The following TENM2 variants were observed in gnomAD, a reference collection of about 807,000 sequenced individuals.
TENM2 encodes the protein teneurin-2.
In TENM2, 52 loss-of-function variants were observed where a neutral mutation model predicts 245.2. The ratio of observed to expected loss-of-function variants is 0.21; its 90% CI spans 0.17 to 0.27. The LOEUF is 0.27. Among genes scored for constraint, TENM2 ranks in the 10% least tolerant of loss-of-function variants. TENM2 has a pLI of 1.00. For synonymous variants in TENM2, 1,363 were observed against 1,438.9 expected, an observed-to-expected ratio of 0.95 and a Z score of 1.19; for missense variants, 3,046 against 3,666.8, an observed-to-expected ratio of 0.83 and a Z score of 4.37.
the TENM2 span, among the ~76,000 whole-genome samples, chr5:167,086,929 G>GCACACACACA: frequency 1.3e-4 from 12 of 90,948 alleles, no homozygotes; most frequent in South Asian, 1.2e-3. Context: ...ACACACACAC[G>GCACACACACA]CACACACACA....
At chr5:168,100,161 G>A (rs916582429) in intron 9 of TENM2, among the ~76,000 whole-genome samples, 14 of 152,150 alleles carry the variant, frequency 9.2e-5, no homozygotes, top group East Asian at 1.9e-4. Flanking sequence ...ATACAATCAC[G>A]TCATCTGCAA....
At chr5:167,449,184 G>A (rs1034875604) in intron 2 of TENM2, among the ~76,000 whole-genome samples, 2 of 152,194 alleles carry the variant, frequency 1.3e-5, no homozygotes, top group Non-Finnish European at 2.9e-5. Context: ...CTTTTCCTGC[G>A]GTACTTAGCA....
At chr5:168,261,032 G>A (rs1000985948) in intron 28 of TENM2, among the ~76,000 whole-genome samples, 1 of 152,160 alleles carries the variant, frequency 6.6e-6, no homozygotes, top group Admixed American at 6.5e-5. Context: ...CAGCTGCTCT[G>A]AATAATTGTC....
the TENM2 span, among the ~76,000 whole-genome samples, chr5:167,142,022 G>A: frequency 6.6e-6 from 1 of 152,062 alleles, no homozygotes; most frequent in Non-Finnish European, 1.5e-5. Context: ...GGCAAACTCG[G>A]AGGGGGGGGA....
chr5:167,825,970 G>A (rs890045358), intron 2 of TENM2, among the ~76,000 whole-genome samples: 4 of 151,838 alleles, frequency 2.6e-5, no homozygotes, highest in Admixed American at 1.3e-4. Flanking sequence ...TCAAGCTCAT[G>A]TTTGTTCATT....
chr5:167,955,461 C>T (rs977635943), intron 4 of TENM2, among the ~76,000 whole-genome samples: 2 of 152,092 alleles, frequency 1.3e-5, no homozygotes, highest in African/African-American at 2.4e-5. Context: ...TGGGGAAGCT[C>T]TTTAGTTTAA....
chr5:167,883,951 G>A (rs979182301), intron 3 of TENM2, among the ~76,000 whole-genome samples: 1 of 152,142 alleles, frequency 6.6e-6, no homozygotes, highest in Non-Finnish European at 1.5e-5. Context: ...ACATCTCTTA[G>A]ACCCATACCC....
intron 2 of TENM2, among the ~76,000 whole-genome samples, chr5:167,545,483 G>A (rs769888448): frequency 2.6e-5 from 4 of 152,136 alleles, no homozygotes; most frequent in Admixed American, 1.3e-4. Flanking sequence ...AATCTTGCTA[G>A]ATAAACATGT....
At chr5:168,129,745 GTCATT>G (rs1390807315) in intron 12 of TENM2, 1 of 152,184 alleles carries the variant, frequency 6.6e-6, no homozygotes, top group Non-Finnish European at 1.5e-5. Flanking sequence ...AGACACTTCT[GTCATT>G]TCATTTAAAG....
chr5:167,705,722 A>G (rs1758457722), intron 2 of TENM2, among the ~76,000 whole-genome samples: 1 of 151,892 alleles, frequency 6.6e-6, no homozygotes, highest in African/African-American at 2.4e-5. Context: ...AAATACATCA[A>G]GTTTCATCAT....
chr5:167,564,141 A>C (rs1406951079), intron 2 of TENM2, among the ~76,000 whole-genome samples: 1 of 152,232 alleles, frequency 6.6e-6, no homozygotes, highest in Non-Finnish European at 1.5e-5. Context: ...ATAGTGATTT[A>C]GAAGTCTTAA....
chr5:167,681,531 C>G (rs997302564), intron 2 of TENM2, among the ~76,000 whole-genome samples: 1 of 152,008 alleles, frequency 6.6e-6, no homozygotes, highest in Non-Finnish European at 1.5e-5. Flanking sequence ...ATTAGGCTTG[C>G]TGAATGACAG....
chr5:167,800,565 G>A (rs2150944011), intron 2 of TENM2, among the ~76,000 whole-genome samples: 1 of 152,278 alleles, frequency 6.6e-6, no homozygotes, highest in African/African-American at 2.4e-5. Context: ...AGCAGAGCCT[G>A]CAGTTATAAT....
intron 2 of TENM2, chr5:167,755,032 G>C (rs190683638): frequency 6.3e-7 from 1 of 1,588,748 alleles, no homozygotes; most frequent in South Asian, 1.1e-5. Context: ...AACGAAGAGC[G>C]GCCCACTCCC....
intron 2 of TENM2, among the ~76,000 whole-genome samples, chr5:167,490,778 G>T (rs935711846): frequency 5.3e-5 from 8 of 152,058 alleles, no homozygotes; most frequent in African/African-American, 1.7e-4. Flanking sequence ...TGATTTATTA[G>T]TTAAGCCTCT....
chr5:167,709,935 A>G (rs2150478950), intron 2 of TENM2, among the ~76,000 whole-genome samples: 1 of 152,280 alleles, frequency 6.6e-6, no homozygotes, highest in East Asian at 1.9e-4. Context: ...AAATTCTAGA[A>G]AAGAGAGCAG....
the TENM2 span, among the ~76,000 whole-genome samples, chr5:167,218,717 C>T: frequency 1.3e-5 from 2 of 152,032 alleles, no homozygotes; most frequent in East Asian, 1.9e-4. Context: ...TTCCAAGAGA[C>T]CCAAAATGTG....
the TENM2 span, among the ~76,000 whole-genome samples, chr5:167,138,107 G>C: frequency 6.6e-6 from 1 of 152,168 alleles, no homozygotes; most frequent in African/African-American, 2.4e-5. Context: ...AGCCGCTGAG[G>C]CTGTTCACTA....
chr5:167,064,339 A>G, the TENM2 span, among the ~76,000 whole-genome samples: 1 of 152,216 alleles, frequency 6.6e-6, no homozygotes, highest in Non-Finnish European at 1.5e-5. Flanking sequence ...TGTTAAAGTG[A>G]AAAGGGTACA....
Sources: allele counts gnomAD v4.1 joint callset (sites outside exome capture counted in the v4.1 genomes callset), GRCh38; gene constraint gnomAD v4.1.1; transcripts MANE v1.5; gene names NCBI Gene and HGNC (gene_info 2026-07-23, HGNC 2026-07-21).